WDFY3: variants seen among roughly 807,000 people sequenced by gnomAD.
WDFY3 encodes WD repeat and FYVE domain-containing protein 3.
A neutral mutation model predicts 409.6 loss-of-function variants in WDFY3; 66 were observed. The ratio of observed to expected loss-of-function variants is 0.16; its 90% confidence interval spans 0.13 to 0.20. The LOEUF (loss-of-function observed/expected upper bound fraction) is 0.20. Among genes scored for constraint, WDFY3 ranks in the 10% least tolerant of loss-of-function variants. WDFY3 has a pLI of 1.00. For missense variants in WDFY3, 3,031 were observed against 4,298.1 expected (o/e 0.71, Z 8.24); for synonymous variants, 1,521 against 1,537.1 (o/e 0.99, Z 0.25).
intron 3 of WDFY3, among the ~76,000 whole-genome samples, chr4:84,864,788 A>G (rs1479030462): frequency 6.6e-6 from 1 of 152,248 alleles, no homozygotes; most frequent in Non-Finnish European, 1.5e-5. Flanking sequence ...ATTATAAAAT[A>G]CTTGGAAACT....
chr4:84,841,146 G>T lies in WDFY3; in HGVS notation c.414+8C>A, dbSNP rs374636883. The T allele has an allele frequency of 5.6e-6, 9 of 1,594,840 alleles. No individual in the cohort carries two copies. The highest frequency in any genetic ancestry group is 3.3e-4 in the Middle Eastern group (2 of 6,018). On this transcript the variant is annotated splice_region_variant and intron_variant, in intron 6 of 67. Coordinates refer to ENST00000295888, the MANE Select transcript of WDFY3 (RefSeq NM_014991.6). ...CTGAGTTATCAAACATGAAAACTAA[G>T]AACTTACCTGACCAGAGGAAGCTAA...
intron 46 of WDFY3, among the ~76,000 whole-genome samples, chr4:84,722,184 T>C (rs1734959889): frequency 1.3e-5 from 2 of 152,048 alleles, no homozygotes; most frequent in Non-Finnish European, 2.9e-5. Context: ...GGTCAGGAGT[T>C]TGAGACTAGC....
At chr4:84,860,788 C>A (rs1351007855) in intron 3 of WDFY3, among the ~76,000 whole-genome samples, 166 bp from the exon 4 acceptor site, 1 of 152,162 alleles carries the variant, frequency 6.6e-6, no homozygotes, top group African/African-American at 2.4e-5. Flanking sequence ...TTTGATAAAT[C>A]CCCCTGAAGG....
chr4:84,829,033 T>G lies in WDFY3; in HGVS notation c.927A>C (p.Gly309=). Residue 309 remains glycine, a synonymous_variant, in exon 9 of 68, where the codon GGA becomes GGC. Coordinates refer to ENST00000295888, the MANE Select transcript of WDFY3 (RefSeq NM_014991.6). ...TLLDDFRIWQ[G]YNFLCDLLLR... is the part of the protein sequence containing the mutation. ...GCAAGAGATCACAAAGAAAATTATA[T>G]CCTTGCCATATCCGAAAATCATCCA... 1.2e-6 allele frequency: 2 copies of G among 1,613,056 alleles called. No individual in the cohort carries two copies. The highest frequency in any genetic ancestry group is 1.7e-6 in the Non-Finnish European group (2 of 1,179,450).
chr4:84,779,400 G>A (rs915337174), intron 26 of WDFY3, among the ~76,000 whole-genome samples: 8 of 150,560 alleles, frequency 5.3e-5, no homozygotes, highest in Non-Finnish European at 8.9e-5. Flanking sequence ...ATCTAATTCT[G>A]ACTGTGGATA....
At chr4:84,839,795 T>C (rs1757082732) in intron 6 of WDFY3, among the ~76,000 whole-genome samples, 1 of 151,242 alleles carries the variant, frequency 6.6e-6, no homozygotes, top group African/African-American at 2.4e-5. Flanking sequence ...GAGGCGGAGG[T>C]TGCAGTGAGC....
chr4:84,766,369 G>T lies in WDFY3; in HGVS notation c.4853C>A (p.Thr1618Asn). Residue 1618 changes from threonine (T) to asparagine (N), a missense_variant, in exon 31 of 68, where the codon ACT becomes AAT. Physicochemically the swap from Thr to Asn is moderately conservative, Grantham distance 65 (BLOSUM62 0). Coordinates refer to ENST00000295888, the MANE Select transcript of WDFY3 (RefSeq NM_014991.6). ...INNEEKLDTG[T>N]EEEFGGLVSA... Reference sequence around the variant, plus strand: ...TACAAGACCTCCAAACTCCTCTTCAGTTCCTAAAATAAAAATAAATACATT... The same window carrying T: ...TACAAGACCTCCAAACTCCTCTTCATTTCCTAAAATAAAAATAAATACATT... The T allele has an allele frequency of 6.3e-7, 1 of 1,582,532 alleles. No individual in the cohort carries two copies.
At chr4:84,811,093 G>C (rs757768683) in intron 13 of WDFY3, among the ~76,000 whole-genome samples, 1 of 152,096 alleles carries the variant, frequency 6.6e-6, no homozygotes, top group African/African-American at 2.4e-5. Context: ...TACCTCCTGG[G>C]TTCAAGCAAT....
chr4:84,852,716 C>T (rs1759194143), intron 4 of WDFY3, among the ~76,000 whole-genome samples: 1 of 151,952 alleles, frequency 6.6e-6, no homozygotes, highest in Non-Finnish European at 1.5e-5. Context: ...TAGAATTAAC[C>T]TATACTACTT....
chr4:84,835,857 T>C (rs780644967), intron 7 of WDFY3, among the ~76,000 whole-genome samples: 10 of 152,206 alleles, frequency 6.6e-5, no homozygotes, highest in Non-Finnish European at 1.3e-4. Context: ...TCCTATCTAC[T>C]ATGTGCTAAG....
chr4:84,715,732 G>A (rs926366665), intron 49 of WDFY3, among the ~76,000 whole-genome samples: 6 of 139,776 alleles, frequency 4.3e-5, no homozygotes, highest in Admixed American at 7.7e-5. Flanking sequence ...CCAAGATCGC[G>A]CCACTGCACT....
intron 3 of WDFY3, among the ~76,000 whole-genome samples, chr4:84,870,525 G>A (rs1458004317): frequency 1.3e-5 from 2 of 152,172 alleles, no homozygotes; most frequent in Non-Finnish European, 2.9e-5. Flanking sequence ...AATCACACTA[G>A]GTTTTCAAGA....
rs984099251 is a variant in WDFY3 at position 84,704,517 on chromosome 4, G to C, written c.8336-73C>G. 6 of 1,185,438 alleles carry C rather than the reference G, an allele frequency of 5.1e-6. No individual in the cohort carries two copies. The Admixed American group carries it at 1.3e-4, about 25-fold the overall frequency. The allele number at this position is 1,185,438 out of a possible 1,614,324, so 73.4% of individuals were successfully genotyped here. A position where few individuals can be genotyped will look rare whatever the true frequency, so the allele number is the denominator to read the frequency against. ...AAAAATAAAATTGGTATTAATTTAT[G>C]CTTGAAAATGCTAGCCTATGTGATA... On this transcript the variant is annotated intron_variant, in intron 54 of 67. Coordinates refer to ENST00000295888, the MANE Select transcript of WDFY3 (RefSeq NM_014991.6).
intron 21 of WDFY3, among the ~76,000 whole-genome samples, chr4:84,791,600 C>T (rs532335962): frequency 1.9e-4 from 29 of 152,110 alleles, no homozygotes; most frequent in South Asian, 2.1e-4. Flanking sequence ...GAAAAAGAAC[C>T]GAGAAAAATG....
At chr4:84,934,790 C>T (rs572990708) in intron 1 of WDFY3, among the ~76,000 whole-genome samples, 2 of 152,126 alleles carry the variant, frequency 1.3e-5, no homozygotes, top group African/African-American at 4.8e-5. Flanking sequence ...TAATTTGTTC[C>T]TCCTCCATTC....
At chr4:84,815,729 A>G (rs1308499570) in intron 13 of WDFY3, among the ~76,000 whole-genome samples, 2 of 152,132 alleles carry the variant, frequency 1.3e-5, no homozygotes, top group East Asian at 3.9e-4. Flanking sequence ...AGTGCTTCCT[A>G]TCAGGAGGTG....
rs542321277 is a variant in WDFY3, at chr4:84,823,213, C to T, written c.1124-1662G>A. ...TATATGTAGTCATATATGATATTTT[C>T]AACAAAGGGTCTTGGCACATTCAGA... is the stretch of plus-strand genomic sequence containing the variant. On this transcript the variant is annotated intron_variant, in intron 10 of 67. Transcript: ENST00000295888. Among the ~76,000 whole-genome samples, 4 of 152,140 alleles carry T rather than the reference C, an allele frequency of 2.6e-5. No homozygotes were observed. In the South Asian group the frequency reaches 8.3e-4, roughly 32 times the overall value.
At chr4:84,959,176 T>C (rs1774609543) in intron 1 of WDFY3, among the ~76,000 whole-genome samples, 1 of 152,050 alleles carries the variant, frequency 6.6e-6, no homozygotes, top group East Asian at 1.9e-4. Context: ...AACAAATGAA[T>C]GGCTGTCAGA....
chr4:84,838,596 T>C (rs563132542), intron 6 of WDFY3, among the ~76,000 whole-genome samples: 2 of 152,096 alleles, frequency 1.3e-5, no homozygotes, highest in Non-Finnish European at 2.9e-5. Flanking sequence ...ACTAATGCAA[T>C]AGTAGGGTGA....
Sources: allele counts gnomAD v4.1 joint callset (sites outside exome capture counted in the v4.1 genomes callset), GRCh38; gene constraint gnomAD v4.1.1; transcripts MANE v1.5; gene names NCBI Gene and HGNC (gene_info 2026-07-23, HGNC 2026-07-21).